CACNA1B: variants seen among roughly 807,000 people sequenced by gnomAD.
CACNA1B encodes voltage-dependent N-type calcium channel subunit alpha-1B.
A neutral mutation model predicts 247.2 loss-of-function variants in CACNA1B; 70 were observed. The observed-to-expected ratio is 0.28, with a 90% confidence interval of 0.23 to 0.35. CACNA1B has a LOEUF of 0.35. Ranked by LOEUF, CACNA1B falls within the 10% of genes least tolerant of loss-of-function variation. CACNA1B has a pLI of 1.00. For synonymous variants in CACNA1B, 1,231 were observed against 1,294.4 expected, an observed-to-expected ratio of 0.95 and a Z score of 1.05; for missense variants, 2,367 against 3,197.4, an observed-to-expected ratio of 0.74 and a Z score of 6.26.
intron 6 of CACNA1B, among the ~76,000 whole-genome samples, chr9:137,947,565 A>G (rs1021295660): frequency 6.6e-6 from 1 of 151,864 alleles, no homozygotes; most frequent in African/African-American, 2.4e-5. Flanking sequence ...TAGTGATTCA[A>G]TTTTTACTCA....
chr9:137,992,401 G>A (rs1958441499), intron 15 of CACNA1B, among the ~76,000 whole-genome samples: 1 of 152,162 alleles, frequency 6.6e-6, no homozygotes, highest in African/African-American at 2.4e-5. Context: ...AATCCTAAAT[G>A]TATATGCACC....
At chr9:138,113,537 G>A (rs1172723831) in intron 40 of CACNA1B, among the ~76,000 whole-genome samples, 1 of 146,592 alleles carries the variant, frequency 6.8e-6, no homozygotes, top group African/African-American at 2.5e-5. Flanking sequence ...TCCTCCTTGT[G>A]GGAGACGTGA....
At chr9:138,037,562 G>A (rs543057783) in intron 20 of CACNA1B, among the ~76,000 whole-genome samples, 307 of 152,276 alleles carry the variant, frequency 2.0e-3, no homozygotes, top group Non-Finnish European at 2.8e-3. Flanking sequence ...AGGAGGCTGA[G>A]CCAGGAGAAT....
intron 31 of CACNA1B, among the ~76,000 whole-genome samples, chr9:138,062,499 G>A (rs1959761985): frequency 6.6e-6 from 1 of 152,186 alleles, no homozygotes; most frequent in African/African-American, 2.4e-5. Flanking sequence ...CCCTTCCATT[G>A]TTCACTGGGC....
chr9:137,979,794 G>A (rs141712889), intron 12 of CACNA1B, among the ~76,000 whole-genome samples: 3,601 of 152,258 alleles, frequency 0.024, 68 homozygotes, highest in Middle Eastern at 0.041. Context: ...CAGTGGCTGC[G>A]GTACCTCTTA....
chr9:138,094,777 CTCAAATA>C (rs1961004452), intron 36 of CACNA1B, among the ~76,000 whole-genome samples: 2 of 152,266 alleles, frequency 1.3e-5, no homozygotes, highest in Admixed American at 6.5e-5. Context: ...CAGCAATAAA[CTCAAATA>C]TCTGTGTTCA....
chr9:138,096,108 T>C (rs116477764), intron 36 of CACNA1B, among the ~76,000 whole-genome samples: 2,702 of 152,254 alleles, frequency 0.018, 84 homozygotes, highest in African/African-American at 0.061. Context: ...TGTGGGACTT[T>C]AAACTTAATT....
rs1239021055 is a variant in CACNA1B, at chr9:137,990,442, A to T, written c.1974+3588A>T. 1.3e-5 allele frequency among the ~76,000 whole-genome samples: 2 copies of T among 152,070 alleles called. No homozygotes were observed. Among genetic ancestry groups the T allele is most frequent in the East Asian group, 3.9e-4 (2 of 5,182 alleles). On this transcript the variant is annotated intron_variant, in intron 15 of 46. Transcript: ENST00000371372. The surrounding 1 kb of genome is among the most constrained non-coding windows in gnomAD (Gnocchi z 4.5). ...TCCTGCCCACCCCCTGAGAAACCTG[A>T]ATACTTAATTAGGCTACCTTAGGGC...
At chr9:138,119,719 T>C (rs866331573) in intron 44 of CACNA1B, among the ~76,000 whole-genome samples, 1 of 152,166 alleles carries the variant, frequency 6.6e-6, no homozygotes, top group African/African-American at 2.4e-5. Flanking sequence ...CAGCCTGTGC[T>C]GGGGCCTCCT....
In CACNA1B at chr9:138,121,811, C is replaced by T. The variant is rs758010481; in HGVS notation, c.6832C>T (p.Leu2278Phe). 2 of 1,613,230 alleles carry T rather than the reference C, an allele frequency of 1.2e-6. No homozygotes were observed. The highest frequency in any genetic ancestry group is 2.2e-5 in the East Asian group (1 of 44,880). ...TGTCCACGCCCTGCCTGAGGACACT[C>T]TCACTTTCGAGGAGGCTGTGGCCAC... is the stretch of plus-strand genomic sequence containing the variant. ...ASVHALPEDT[L>F]TFEEAVATNS... The change falls in exon 47 of 47, where the codon CTC becomes TTC. Residue 2278 changes from leucine (L) to phenylalanine (F), a missense_variant. By Grantham distance (22) the Leu-to-Phe change is conservative (BLOSUM62 0). Coordinates refer to ENST00000371372, the MANE Select transcript of CACNA1B (RefSeq NM_000718.4). The surrounding 1 kb of genome is among the most constrained non-coding windows in gnomAD (Gnocchi z 6.8).
At chr9:137,998,121 C>T (rs1490755553) in intron 15 of CACNA1B, among the ~76,000 whole-genome samples, 1 of 151,732 alleles carries the variant, frequency 6.6e-6, no homozygotes, top group Non-Finnish European at 1.5e-5. Flanking sequence ...GTGGGGGTTG[C>T]TGGGAGGTGG....
chr9:138,082,668 A>T (rs1212070465), intron 36 of CACNA1B, among the ~76,000 whole-genome samples: 1 of 151,374 alleles, frequency 6.6e-6, no homozygotes, highest in African/African-American at 2.4e-5. Flanking sequence ...ATTTAACAAA[A>T]TGTATAAAGA....
intron 3 of CACNA1B, among the ~76,000 whole-genome samples, chr9:137,901,512 G>A (rs560594408): frequency 3.9e-5 from 6 of 152,006 alleles, no homozygotes; most frequent in Non-Finnish European, 7.4e-5. Flanking sequence ...TTTTAGTAGC[G>A]ATGGGGTTAT....
intron 41 of CACNA1B, 79 bp from the exon 42 acceptor site, chr9:138,115,473 C>A: frequency 6.8e-7 from 1 of 1,468,538 alleles, no homozygotes. Context: ...TTGCCCCATG[C>A]CACATGGTCA....
intron 18 of CACNA1B, among the ~76,000 whole-genome samples, chr9:138,015,193 C>T (rs10867093): frequency 0.29 from 44,153 of 152,106 alleles, 9,136 homozygotes; most frequent in East Asian, 0.63. Flanking sequence ...CAGCCCGAGG[C>T]GTCCAGGTGT....
At position 137,888,557 on chromosome 9, in the gene CACNA1B, G is replaced by C. The variant is rs1322243989; in HGVS notation, c.530+5674G>C. Among the ~76,000 whole-genome samples the C allele has an allele frequency of 6.6e-6, 1 of 152,224 alleles. No homozygotes were observed. The highest frequency in any genetic ancestry group is 2.4e-5 in the African/African-American group (1 of 41,456). On this transcript the variant is annotated intron_variant, in intron 3 of 46. Coordinates refer to ENST00000371372, the MANE Select transcript of CACNA1B (RefSeq NM_000718.4). This position sits in a 1 kb window ranked among gnomAD's most constrained non-coding sequence, Gnocchi z 4.7. Reference sequence around the variant, plus strand: ...CTGGCTCAGGCAGGTGGCTCTCCGGGGGAGCTTTCCAACCACGGCTTCTTG... The same window carrying C: ...CTGGCTCAGGCAGGTGGCTCTCCGGCGGAGCTTTCCAACCACGGCTTCTTG...
At chr9:137,997,366 G>A (rs117382617) in intron 15 of CACNA1B, among the ~76,000 whole-genome samples, 4,869 of 152,190 alleles carry the variant, frequency 0.032, 135 homozygotes, top group Non-Finnish European at 0.049. Context: ...TGACAAGAAA[G>A]AAAACTGTCA....
Position 137,952,425 on chromosome 9 carries a change from C to A in CACNA1B, c.1070+48C>A. ...TGCAGGTGCCCCTCTGTGTTCTCAG[C>A]TGAGGGGTCAACAGGGGCACGTGTG... On this transcript the variant is annotated intron_variant, in intron 7 of 46. Coordinates refer to ENST00000371372, the MANE Select transcript of CACNA1B (RefSeq NM_000718.4). This position sits in a 1 kb window ranked among gnomAD's most constrained non-coding sequence, Gnocchi z 4.8. 1 of 1,499,050 alleles carries A rather than the reference C, an allele frequency of 6.7e-7. No homozygotes were observed. The highest frequency in any genetic ancestry group is 9.3e-7 in the Non-Finnish European group (1 of 1,076,128). The allele number at this position is 1,499,050 out of a possible 1,614,324, so 92.9% of individuals were successfully genotyped here. A position where few individuals can be genotyped will look rare whatever the true frequency, so the allele number is the denominator to read the frequency against.
chr9:138,043,510 G>A (rs147163965), intron 20 of CACNA1B, among the ~76,000 whole-genome samples: 6 of 152,288 alleles, frequency 3.9e-5, no homozygotes, highest in East Asian at 3.9e-4. Context: ...CCACAGCCAC[G>A]GGTGCTGGGC....
Sources: allele counts gnomAD v4.1 joint callset (sites outside exome capture counted in the v4.1 genomes callset), GRCh38; gene constraint gnomAD v4.1.1; non-coding constraint Gnocchi (gnomAD v3.1); transcripts MANE v1.5; gene names NCBI Gene and HGNC (gene_info 2026-07-23, HGNC 2026-07-21).